The following ISG20L2 variants were observed in gnomAD, a reference collection of about 807,000 sequenced individuals.
ISG20L2 encodes interferon stimulated exonuclease gene 20 like 2, also known as interferon-stimulated 20 kDa exonuclease-like 2.
In ISG20L2, 14 loss-of-function variants were observed where a neutral mutation model predicts 27.8. The ratio of observed to expected loss-of-function variants is 0.50; its 90% CI spans 0.33 to 0.79. ISG20L2 has a LOEUF of 0.79. Ranked by LOEUF, ISG20L2 falls within the 30% of genes least tolerant of loss-of-function variation. ISG20L2 has a pLI of 0.02. For synonymous variants in ISG20L2, 157 were observed against 165.7 expected, an observed-to-expected ratio of 0.95 and a Z score of 0.40; for missense variants, 393 against 435.1, an observed-to-expected ratio of 0.90 and a Z score of 0.86.
chr1:156,723,281 T>A lies in ISG20L2; in HGVS notation c.*68A>T. ...ATGTGGAGCTGGTGGAGCTGTCCAT[T>A]GGTCCACTGCCCTGTTTCTCCTGGG... On this transcript the variant is annotated 3_prime_UTR_variant, in exon 4 of 4. Coordinates refer to ENST00000368219, the MANE Select transcript of ISG20L2 (RefSeq NM_001370150.2). 5.0e-6 allele frequency: 8 copies of A among 1,588,192 alleles called. No individual in the cohort carries two copies. The highest frequency in any genetic ancestry group is 6.9e-6 in the Non-Finnish European group (8 of 1,160,486).
chr1:156,727,570 A>G lies in ISG20L2; in HGVS notation c.83T>C (p.Phe28Ser), dbSNP rs773473462. Residue 28 changes from phenylalanine to serine, a missense_variant, in exon 2 of 4, where the codon TTT becomes TCT. Coordinates refer to ENST00000368219, the MANE Select transcript of ISG20L2 (RefSeq NM_001370150.2). ...TTCTAAGAGCCTCCGCTTCTTGACA[A>G]AATTTCGGTGCTTGGCATTTCCTTC... ...ALEGNAKHRNFVKKRRLLERR... is the reference protein window; with the variant it reads ...ALEGNAKHRNSVKKRRLLERR... 1.2e-6 allele frequency: 2 copies of G among 1,614,066 alleles called. No individual in the cohort carries two copies. Among genetic ancestry groups the G allele is most frequent in the African/African-American group, 2.7e-5 (2 of 74,910 alleles).
Position 156,728,627 on chromosome 1 carries a change from TGGGGGCGGGGGC to T in ISG20L2, c.-342_-331del, listed in dbSNP as rs1037608431. 3.9e-6 allele frequency: 1 copy of T among 258,634 alleles called. No individual in the cohort carries two copies. The highest frequency in any genetic ancestry group is 1.6e-4 in the South Asian group (1 of 6,110). The allele number at this position is 258,634 out of a possible 1,614,324, so 16.0% of individuals were successfully genotyped here. The stretch of plus-strand genomic sequence containing the variant: ...GCGGCGGAGGAGGGGGCGGCGTGGG[TGGGGGCGGGGGC>T]GGGATGCGCTCCCCGGCCCCTCTAG... On this transcript the variant is annotated 5_prime_UTR_variant, in exon 1 of 4. Transcript: ENST00000368219.
At position 156,721,945 on chromosome 1, in the gene ISG20L2, T is replaced by C. The variant is rs1353177121; in HGVS notation, c.*1404A>G. The C allele has an allele frequency of 6.6e-6, 1 of 152,368 alleles. No individual in the cohort carries two copies. Among genetic ancestry groups the C allele is most frequent in the East Asian group, 1.9e-4 (1 of 5,194 alleles). 9.4% of individuals were successfully genotyped at this position (152,368 alleles called of 1,614,324 possible). On this transcript the variant is annotated 3_prime_UTR_variant, in exon 4 of 4. Coordinates refer to ENST00000368219, the MANE Select transcript of ISG20L2 (RefSeq NM_001370150.2). Reference sequence around the variant, plus strand: ...GGAATAATTTGAGTTTTTAGAGGCTTGGTTTAGCAAGGTAAAAAAGACAAC... The same window carrying C: ...GGAATAATTTGAGTTTTTAGAGGCTCGGTTTAGCAAGGTAAAAAAGACAAC...
rs1648842511 is a variant in ISG20L2, at chr1:156,727,511, G to A, written c.142C>T (p.Pro48Ser). ...GAGTGCAACTTAGGCGCCTTGCTAG[G>A]GGGTTGGTTCTTTTTACTCAGAAAG... is the stretch of plus-strand genomic sequence containing the variant. The part of the protein sequence containing the change: ...RGFLSKKNQP[P>S]SKAPKLHSEP... Residue 48 changes from proline to serine, a missense_variant, in exon 2 of 4, where the codon CCT becomes TCT. By Grantham distance (74) the Pro-to-Ser change is moderately conservative (BLOSUM62 -1). Around this residue, in one of 3 missense-constraint regions of ISG20L2, gnomAD observed 183 missense variants for 168.2 expected, o/e 1.09. Coordinates refer to ENST00000368219, the MANE Select transcript of ISG20L2 (RefSeq NM_001370150.2). 1.9e-6 allele frequency: 3 copies of A among 1,614,114 alleles called. No homozygotes were observed. The highest frequency in any genetic ancestry group is 2.5e-6 in the Non-Finnish European group (3 of 1,180,012).
chr1:156,724,496 T>C (rs549385361), intron 2 of ISG20L2, 148 bp from the exon 3 acceptor site: 41 of 1,412,130 alleles, frequency 2.9e-5, no homozygotes, highest in Middle Eastern at 5.2e-4. Flanking sequence ...TCCCACAAGT[T>C]TTCTTTCTTC....
At chr1:156,728,079 G>T (rs1648889735) in intron 1 of ISG20L2, 1 of 999,396 alleles carries the variant, frequency 1.0e-6, no homozygotes, top group African/African-American at 1.7e-5. Context: ...AGTCTAAGAG[G>T]CTAGAACACG....
At chr1:156,725,692 C>T (rs1648721610) in intron 2 of ISG20L2, 1 of 175,054 alleles carries the variant, frequency 5.7e-6, no homozygotes, top group African/African-American at 2.4e-5. Context: ...CCACCACCTT[C>T]ACTTCTTATT....
At position 156,723,144 on chromosome 1, in the gene ISG20L2, T is replaced by C. The variant is rs912751343; in HGVS notation, c.*205A>G. ...GGGTTGGGTTCTGACGTGAAGGCTT[T>C]CCCCTTCCATGGGACACTTAACCAG... On this transcript the variant is annotated 3_prime_UTR_variant, in exon 4 of 4. Transcript: ENST00000368219. 4.8e-6 allele frequency: 3 copies of C among 622,900 alleles called. No individual in the cohort carries two copies. The highest frequency in any genetic ancestry group is 1.8e-5 in the African/African-American group (1 of 54,326). 38.6% of individuals were successfully genotyped at this position (622,900 alleles called of 1,614,324 possible).
rs530019097 is a variant in ISG20L2 at position 156,724,364 on chromosome 1, G to A, written c.748-16C>T. On this transcript the variant is annotated splice_polypyrimidine_tract_variant and intron_variant, in intron 2 of 3. Transcript: ENST00000368219. ...TCTTCAAGATCTGGAAGAAGTGTGG[G>A]AAGAGAGTGGTGAGAAGGAAGACTG... The A allele has an allele frequency of 1.0e-5, 16 of 1,595,720 alleles. No homozygotes were observed. The South Asian group carries it at 1.4e-4, about 14-fold the overall frequency.
At chr1:156,724,591 T>C (rs1298261056) in intron 2 of ISG20L2, 7 of 1,284,002 alleles carry the variant, frequency 5.5e-6, no homozygotes, top group Non-Finnish European at 6.9e-6. Flanking sequence ...TACCTTCTTA[T>C]TGATCTCCAC....
In ISG20L2 at chr1:156,723,313, C is replaced by T; in HGVS notation, c.*36G>A. On this transcript the variant is annotated 3_prime_UTR_variant, in exon 4 of 4. Transcript: ENST00000368219. ...CTGCCCTGTTTCTCCTGGGTGCTGC[C>T]TCTGCCTCCTCATATCACCAGCGTC... The T allele has an allele frequency of 6.2e-7, 1 of 1,613,316 alleles. No homozygotes were observed. Among genetic ancestry groups the T allele is most frequent in the East Asian group, 2.2e-5 (1 of 44,872 alleles).
At chr1:156,727,809 C>T in intron 1 of ISG20L2, 40 bp from the exon 2 acceptor site, 2 of 1,452,836 alleles carry the variant, frequency 1.4e-6, no homozygotes, top group Non-Finnish European at 9.0e-7. Context: ...GCTCCTAGGC[C>T]TGGGAGAAAA....
intron 2 of ISG20L2, chr1:156,724,627 C>A: frequency 8.4e-7 from 1 of 1,184,094 alleles, no homozygotes; most frequent in Non-Finnish European, 1.1e-6. Flanking sequence ...TGCCTTCAGT[C>A]CTAAATGACA....
Position 156,728,554 on chromosome 1 carries a change from C to T in ISG20L2, c.-257G>A, listed in dbSNP as rs10908517. 1.0e-6 allele frequency: 1 copy of T among 985,386 alleles called. No individual in the cohort carries two copies. Among genetic ancestry groups the T allele is most frequent in the African/African-American group, 1.7e-5 (1 of 57,186 alleles). 61.0% of individuals were successfully genotyped at this position (985,386 alleles called of 1,614,324 possible). A position where few individuals can be genotyped will look rare whatever the true frequency, so the allele number is the denominator to read the frequency against. On this transcript the variant is annotated 5_prime_UTR_variant, in exon 1 of 4. Transcript: ENST00000368219. ...CGCGCGCACACCCGCACCGCCCCGA[C>T]CCCAGGTAGTGAGGCCAGTGATTCC...
chr1:156,727,433 G>C lies in ISG20L2; in HGVS notation c.220C>G (p.Pro74Ala), dbSNP rs1479384201. The change falls in exon 2 of 4, where the codon CCT (proline) becomes GCT (alanine). Residue 74 changes from proline to alanine, a missense_variant. Pro to Ala is a conservative substitution (Grantham distance 27, BLOSUM62 -1). Transcript: ENST00000368219. ...GCTGTCTTCTTTTTTGGGAAGGAAG[G>C]GGTCTTCCAAGTGCCATCGACCGTA... Reference protein sequence around the residue: ...TPTVDGTWKTPSFPKKKTAAS... With the variant: ...TPTVDGTWKTASFPKKKTAAS... 1 of 1,614,014 alleles carries C rather than the reference G, an allele frequency of 6.2e-7. No individual in the cohort carries two copies. Among genetic ancestry groups the C allele is most frequent in the South Asian group, 1.1e-5 (1 of 91,082 alleles).
rs1200944797 is a variant in ISG20L2 at position 156,728,658 on chromosome 1, C to G, written c.-361G>C. On this transcript the variant is annotated 5_prime_UTR_variant, in exon 1 of 4. Transcript: ENST00000368219. ...CGGGGGCGGGATGCGCTCCCCGGCC[C>G]CTCTAGCCCCGTGGTGGTACAACGC... 16 of 986,166 alleles carry G rather than the reference C, an allele frequency of 1.6e-5. No individual in the cohort carries two copies. The highest frequency in any genetic ancestry group is 1.9e-5 in the Non-Finnish European group (16 of 830,298). 61.1% of individuals were successfully genotyped at this position (986,166 alleles called of 1,614,324 possible). A position where few individuals can be genotyped will look rare whatever the true frequency, so the allele number is the denominator to read the frequency against.
Position 156,723,163 on chromosome 1 carries a change from TAACC to T in ISG20L2, c.*182_*185del. 1.4e-6 allele frequency: 1 copy of T among 694,942 alleles called. No individual in the cohort carries two copies. The allele number at this position is 694,942 out of a possible 1,614,324, so 43.0% of individuals were successfully genotyped here. A position where few individuals can be genotyped will look rare whatever the true frequency, so the allele number is the denominator to read the frequency against. On this transcript the variant is annotated 3_prime_UTR_variant, in exon 4 of 4. Transcript: ENST00000368219. ...AGGCTTTCCCCTTCCATGGGACACT[TAACC>T]AGACACAGGACACAACACCTGAGGT... is the stretch of plus-strand genomic sequence containing the variant.
chr1:156,724,368 A>T lies in ISG20L2; in HGVS notation c.748-20T>A. On this transcript the variant is annotated intron_variant, in intron 2 of 3. Coordinates refer to ENST00000368219, the MANE Select transcript of ISG20L2 (RefSeq NM_001370150.2). ...CAAGATCTGGAAGAAGTGTGGGAAG[A>T]GAGTGGTGAGAAGGAAGACTGAAGT... The T allele has an allele frequency of 6.3e-7, 1 of 1,590,686 alleles. No homozygotes were observed. The highest frequency in any genetic ancestry group is 8.6e-7 in the Non-Finnish European group (1 of 1,162,674).
rs1221859162 is a variant in ISG20L2, at chr1:156,723,131, G to C, written c.*218C>G. ...AGTAAAAGGTATAGGGTTGGGTTCT[G>C]ACGTGAAGGCTTTCCCCTTCCATGG... On this transcript the variant is annotated 3_prime_UTR_variant, in exon 4 of 4. Transcript: ENST00000368219. 2.2e-5 allele frequency: 13 copies of C among 585,462 alleles called. No individual in the cohort carries two copies. The highest frequency in any genetic ancestry group is 7.4e-5 in the African/African-American group (4 of 53,694). The allele number at this position is 585,462 out of a possible 1,614,324, so 36.3% of individuals were successfully genotyped here.
Sources: allele counts gnomAD v4.1 joint callset, GRCh38; gene constraint gnomAD v4.1.1; regional missense constraint gnomAD v4.1.1; transcripts MANE v1.5; gene names NCBI Gene and HGNC (gene_info 2026-07-23, HGNC 2026-07-21).